The following MYLK3 variants were observed in gnomAD, a reference collection of about 807,000 sequenced individuals.
MYLK3 encodes myosin light chain kinase 3, also known as MLC kinase.
A neutral mutation model predicts 76.3 loss-of-function variants in MYLK3; 55 were observed. That is an observed-to-expected ratio of 0.72 (90% CI 0.58 to 0.90). The LOEUF (loss-of-function observed/expected upper bound fraction) is 0.90, where lower values mean the gene tolerates loss of function less well. Ranked by LOEUF, MYLK3 falls within the 40% of genes least tolerant of loss-of-function variation. The probability of loss-of-function intolerance (pLI) is 0.00; values close to 1 mark genes in which losing one functional copy is unlikely to be tolerated. For synonymous variants in MYLK3, 416 were observed against 425.4 expected (o/e 0.98, Z 0.27); for missense variants, 973 against 1,053.6 (o/e 0.92, Z 1.06).
chr16:46,727,265 G>C lies in MYLK3; in HGVS notation c.1885C>G (p.Gln629Glu), dbSNP rs1457816277. The change falls in exon 8 of 13, where the codon CAG becomes GAG. Residue 629 changes from glutamine (Q) to glutamate (E), a missense_variant. Around this residue, in one of 2 missense-constraint regions of MYLK3, gnomAD observed 332 missense variants for 416.6 expected, o/e 0.80. Coordinates refer to ENST00000394809, the MANE Select transcript of MYLK3 (RefSeq NM_182493.3). ...AGGTCCAGGTGCAGGATGTAGTGCT[G>C]GTGCAGGTAATGCACACCCTCACAG... Reference protein sequence around the residue: ...QICEGVHYLHQHYILHLDLKP... With the variant: ...QICEGVHYLHEHYILHLDLKP... The C allele has an allele frequency of 6.2e-7, 1 of 1,614,024 alleles. No individual in the cohort carries two copies. Among genetic ancestry groups the C allele is most frequent in the Non-Finnish European group, 8.5e-7 (1 of 1,179,926 alleles).
intron 9 of MYLK3, among the ~76,000 whole-genome samples, chr16:46,718,205 T>C (rs567938707): frequency 5.3e-5 from 8 of 152,242 alleles, no homozygotes; most frequent in African/African-American, 1.9e-4. Context: ...GCAGCGATAA[T>C]GAAATAGGTT....
intron 8 of MYLK3, chr16:46,726,407 A>G (rs1966840456): frequency 2.0e-5 from 3 of 151,980 alleles, no homozygotes; most frequent in Admixed American, 2.0e-4. Context: ...CCTTGTCTCT[A>G]TACAAAATAC....
intron 10 of MYLK3, 89 bp from the exon 11 acceptor site, chr16:46,710,878 G>C (rs1237265286): frequency 2.0e-6 from 3 of 1,514,554 alleles, no homozygotes; most frequent in East Asian, 4.5e-5. Context: ...GAGTTCAAGT[G>C]GACCTAGCCA....
rs1966773157 is a variant in MYLK3, at chr16:46,719,036, G to T, written c.1985+2087C>A. 2.0e-5 allele frequency among the ~76,000 whole-genome samples: 3 copies of T among 151,512 alleles called. No individual in the cohort carries two copies. The East Asian group carries it at 5.9e-4, about 30-fold the overall frequency. On this transcript the variant is annotated intron_variant, in intron 9 of 12. Transcript: ENST00000394809. ...CTGCAGCTGAAAGACCTACCTGGAA[G>T]ATATGTGATTCGGCCTGCCGTGGTG...
intron 12 of MYLK3, among the ~76,000 whole-genome samples, chr16:46,708,657 T>G (rs1966651637): frequency 6.6e-6 from 1 of 152,136 alleles, no homozygotes; most frequent in Non-Finnish European, 1.5e-5. Flanking sequence ...AGTGTGTACA[T>G]GTATAGGTAT....
intron 7 of MYLK3, among the ~76,000 whole-genome samples, chr16:46,727,962 T>C (rs1433519632): frequency 4.6e-5 from 7 of 152,212 alleles, no homozygotes; most frequent in Non-Finnish European, 1.0e-4. Flanking sequence ...CTCTGGATGA[T>C]TCTGACCAGG....
intron 7 of MYLK3, 84 bp from the exon 8 acceptor site, chr16:46,727,461 G>A: frequency 6.8e-7 from 1 of 1,460,080 alleles, no homozygotes; most frequent in Non-Finnish European, 9.2e-7. Context: ...GCCAAAAGAG[G>A]CCAGCCCGGG....
At position 46,733,134 on chromosome 16, in the gene MYLK3, G is replaced by A. The variant is rs570514159; in HGVS notation, c.1002-466C>T. On this transcript the variant is annotated intron_variant, in intron 3 of 12. Transcript: ENST00000394809. ...CCCAGTGCTTTGGGAGGCCAAGGTG[G>A]GAGGATCCCTTGAGGCCAGGAGTTT... 7.9e-5 allele frequency among the ~76,000 whole-genome samples: 12 copies of A among 152,292 alleles called. No homozygotes were observed. In the East Asian group the frequency reaches 2.3e-3, roughly 29 times the overall value.
In MYLK3 at chr16:46,710,733, A is replaced by G. The variant is rs200515683; in HGVS notation, c.2171T>C (p.Ile724Thr). Residue 724 changes from isoleucine (I) to threonine (T), a missense_variant, in exon 11 of 13, where the codon ATT (isoleucine) becomes ACT (threonine). This residue lies in a region of MYLK3 where 332 missense variants were observed against 416.6 expected (regional missense o/e 0.80). Transcript: ENST00000394809. ...GETDAETMNF[I>T]VNCSWDFDAD... ...ATCAAAATCCCAGCTACAGTTTACAATGAAATTCATGGTCTCTGCATCTGT... is the reference window on the plus strand; with the variant it reads ...ATCAAAATCCCAGCTACAGTTTACAGTGAAATTCATGGTCTCTGCATCTGT... 3.0e-5 allele frequency: 49 copies of G among 1,614,168 alleles called. No homozygotes were observed. Among genetic ancestry groups the G allele is most frequent in the African/African-American group, 6.7e-5 (5 of 75,028 alleles).
At chr16:46,718,966 G>T (rs1966772566) in intron 9 of MYLK3, among the ~76,000 whole-genome samples, 1 of 151,982 alleles carries the variant, frequency 6.6e-6, no homozygotes, top group South Asian at 2.1e-4. Context: ...AAAACAGCCA[G>T]CCATTAGGAG....
At chr16:46,718,522 G>C (rs8053204) in intron 9 of MYLK3, among the ~76,000 whole-genome samples, 50,814 of 152,176 alleles carry the variant, frequency 0.33, 10,753 homozygotes, top group Non-Finnish European at 0.48. Context: ...TGAGGGTGTA[G>C]GTGCTGCTTG....
Position 46,713,490 on chromosome 16 carries a change from A to C in MYLK3, c.1986-714T>G, listed in dbSNP as rs564591181. ...CTGGATTACATGCATGAGCCACTAC[A>C]CCCAGCCGGTATATATGATGCTTTG... On this transcript the variant is annotated intron_variant, in intron 9 of 12. Coordinates refer to ENST00000394809, the MANE Select transcript of MYLK3 (RefSeq NM_182493.3). Among the ~76,000 whole-genome samples, 336 of 152,076 alleles carry C rather than the reference A, an allele frequency of 2.2e-3. 1 individual carries two copies. Among genetic ancestry groups the C allele is most frequent in the African/African-American group, 7.9e-3 (326 of 41,492 alleles).
chr16:46,738,351 A>G (rs925344128), intron 2 of MYLK3, among the ~76,000 whole-genome samples: 6 of 152,232 alleles, frequency 3.9e-5, no homozygotes, highest in African/African-American at 1.4e-4. Flanking sequence ...AGAAATTAAT[A>G]TCTCTATGGA....
chr16:46,710,691 C>G lies in MYLK3; in HGVS notation c.2213G>C (p.Gly738Ala). 1 of 1,614,124 alleles carries G rather than the reference C, an allele frequency of 6.2e-7. No homozygotes were observed. Among genetic ancestry groups the G allele is most frequent in the Non-Finnish European group, 8.5e-7 (1 of 1,180,026 alleles). The change falls in exon 11 of 13, where the codon GGG becomes GCG. Residue 738 changes from glycine (G) to alanine (A), a missense_variant. Gly to Ala is a moderately conservative substitution (Grantham distance 60). Transcript: ENST00000394809. ...AAAGTCCTTGGCCTCCTCCGAGAGC[C>G]CTTCAAAGGTGTCAGCATCAAAATC... is the stretch of plus-strand genomic sequence containing the variant. Reference protein sequence around the residue: ...SWDFDADTFEGLSEEAKDFVS... With the variant: ...SWDFDADTFEALSEEAKDFVS...
chr16:46,746,974 C>T (rs971787256), intron 1 of MYLK3, among the ~76,000 whole-genome samples: 1 of 152,178 alleles, frequency 6.6e-6, no homozygotes, highest in Non-Finnish European at 1.5e-5. Context: ...TCATCTCTTG[C>T]CAGAGGCTGG....
At chr16:46,757,692 G>A in intron 1 of MYLK3, 11 of 793,734 alleles carry the variant, frequency 1.4e-5, no homozygotes, top group South Asian at 5.7e-5. Flanking sequence ...AGGCCCCAGC[G>A]GCATCCAGAG....
chr16:46,757,875 C>T (rs1042659871), intron 1 of MYLK3, among the ~76,000 whole-genome samples: 3 of 152,174 alleles, frequency 2.0e-5, no homozygotes, highest in African/African-American at 4.8e-5. Flanking sequence ...ACCCCACATC[C>T]GGGTGCAGGG....
At chr16:46,709,820 T>C in intron 11 of MYLK3, 149 bp from the exon 12 acceptor site, 1 of 936,614 alleles carries the variant, frequency 1.1e-6, no homozygotes, top group Non-Finnish European at 1.6e-6. Flanking sequence ...GAACTCCTTG[T>C]GTCTAAAATT....
At chr16:46,726,719 A>G (rs528210139) in intron 8 of MYLK3, 2 of 149,026 alleles carry the variant, frequency 1.3e-5, no homozygotes, top group African/African-American at 2.5e-5. Flanking sequence ...GAAAGAAAGA[A>G]AGAAAGAAAG....
Sources: allele counts gnomAD v4.1 joint callset (sites outside exome capture counted in the v4.1 genomes callset), GRCh38; gene constraint gnomAD v4.1.1; regional missense constraint gnomAD v4.1.1; transcripts MANE v1.5; gene names NCBI Gene and HGNC (gene_info 2026-07-23, HGNC 2026-07-21).